STX1A: variants seen among roughly 807,000 people sequenced by gnomAD.
STX1A encodes syntaxin-1A.
Under a neutral mutation model 37.8 loss-of-function variants are expected in STX1A, and 4 were observed. That is an observed-to-expected ratio of 0.11 (90% CI 0.05 to 0.24). The LOEUF (loss-of-function observed/expected upper bound fraction) is 0.24. Among genes scored for constraint, STX1A ranks in the 10% least tolerant of loss-of-function variants. The pLI, the probability that STX1A is intolerant of heterozygous loss-of-function variation, is 1.00. For synonymous variants in STX1A, 135 were observed against 147.4 expected (o/e 0.92, Z 0.61); for missense variants, 251 against 399.9 (o/e 0.63, Z 3.18).
In STX1A at chr7:73,709,096, A is replaced by T; in HGVS notation, c.57T>A (p.Asp19Glu). The T allele has an allele frequency of 6.2e-7, 1 of 1,610,546 alleles. No individual in the cohort carries two copies. The highest frequency in any genetic ancestry group is 8.5e-7 in the Non-Finnish European group (1 of 1,177,808). Reference protein sequence around the residue: ...RTAKDSDDDDDVAVTVDRDRF... With the variant: ...RTAKDSDDDDEVAVTVDRDRF... ...GGTCTCGGTCCACGGTGACAGCGACATCATCATCATCATCGCTGTCCTTGG... is the reference window on the plus strand; with the variant it reads ...GGTCTCGGTCCACGGTGACAGCGACTTCATCATCATCATCGCTGTCCTTGG... Residue 19 changes from aspartate (D) to glutamate (E), a missense_variant, in exon 2 of 10, where the codon GAT (aspartate) becomes GAA (glutamate). This residue lies in a region of STX1A where 37 missense variants were observed against 32.3 expected (regional missense o/e 1.15). Coordinates refer to ENST00000222812, the MANE Select transcript of STX1A (RefSeq NM_004603.4). The surrounding 1 kb of genome is among the most constrained non-coding windows in gnomAD (Gnocchi z 4.2).
chr7:73,715,256 T>G (rs1339530824), intron 1 of STX1A, among the ~76,000 whole-genome samples: 1 of 151,886 alleles, frequency 6.6e-6, no homozygotes, highest in Non-Finnish European at 1.5e-5. Context: ...ACCCCGTTGC[T>G]ACTAAAAATA....
intron 8 of STX1A, chr7:73,701,306 T>G (rs1417639189): frequency 4.0e-6 from 1 of 249,686 alleles, no homozygotes; most frequent in Non-Finnish European, 7.7e-6. Flanking sequence ...CTTTAAGAAC[T>G]TGAAGTCAGG....
intron 1 of STX1A, among the ~76,000 whole-genome samples, chr7:73,711,718 C>T (rs1799110048): frequency 6.6e-6 from 1 of 152,156 alleles, no homozygotes; most frequent in Non-Finnish European, 1.5e-5. Context: ...GTCCTGCCCT[C>T]TCTGCCCTGG....
Position 73,706,674 on chromosome 7 carries a change from G to T in STX1A, c.209-1450C>A, listed in dbSNP as rs545639530. 6.6e-6 allele frequency among the ~76,000 whole-genome samples: 1 copy of T among 151,836 alleles called. No individual in the cohort carries two copies. Among genetic ancestry groups the T allele is most frequent in the Admixed American group, 6.6e-5 (1 of 15,244 alleles). ...CAGACAGCTCTGCTGCCCCATGCCC[G>T]CCCCACCTGCCAGCAGTGAGAGACC... On this transcript the variant is annotated intron_variant, in intron 3 of 9. Transcript: ENST00000222812. The surrounding 1 kb of genome is among the most constrained non-coding windows in gnomAD (Gnocchi z 4.6).
rs573931157 is a variant in STX1A, at chr7:73,716,224, C to T, written c.30+3378G>A. Reference sequence around the variant, plus strand: ...GAGGAAGGATCGGGCGAGCCCTGTCCGGCTCCTGTTCTTACACTCTCGTGC... The same window carrying T: ...GAGGAAGGATCGGGCGAGCCCTGTCTGGCTCCTGTTCTTACACTCTCGTGC... On this transcript the variant is annotated intron_variant, in intron 1 of 9. Coordinates refer to ENST00000222812, the MANE Select transcript of STX1A (RefSeq NM_004603.4). Among the ~76,000 whole-genome samples the T allele has an allele frequency of 7.9e-5, 12 of 152,366 alleles. No homozygotes were observed. In the South Asian group the frequency reaches 1.7e-3, roughly 21 times the overall value.
At position 73,702,588 on chromosome 7, in the gene STX1A, G is replaced by C. The variant is rs1230037367; in HGVS notation, c.678+257C>G. On this transcript the variant is annotated intron_variant, in intron 8 of 9. Coordinates refer to ENST00000222812, the MANE Select transcript of STX1A (RefSeq NM_004603.4). This position sits in a 1 kb window ranked among gnomAD's most constrained non-coding sequence, Gnocchi z 4.7. Reference sequence around the variant, plus strand: ...TGGCCCCATGAGGAAACAGTAGTAGGGGAATGAGAGACGGCGGGGTATAGA... The same window carrying C: ...TGGCCCCATGAGGAAACAGTAGTAGCGGAATGAGAGACGGCGGGGTATAGA... The C allele has an allele frequency of 9.0e-7, 1 of 1,113,142 alleles. No homozygotes were observed. Among genetic ancestry groups the C allele is most frequent in the South Asian group, 1.7e-5 (1 of 58,494 alleles). The allele number at this position is 1,113,142 out of a possible 1,614,324, so 69.0% of individuals were successfully genotyped here. A position where few individuals can be genotyped will look rare whatever the true frequency, so the allele number is the denominator to read the frequency against.
intron 1 of STX1A, among the ~76,000 whole-genome samples, chr7:73,714,722 CT>C (rs1376520556): frequency 4.0e-5 from 6 of 151,268 alleles, no homozygotes; most frequent in Non-Finnish European, 8.8e-5. Flanking sequence ...TTTTTTTGTT[CT>C]GCATTCAGCA....
At chr7:73,703,970 C>A (rs1798768487) in intron 6 of STX1A, 142 bp from the exon 7 acceptor site, 1 of 1,045,790 alleles carries the variant, frequency 9.6e-7, no homozygotes. Context: ...CCCCCCGGCC[C>A]TTAACACAGC....
rs149941739 is a variant in STX1A, at chr7:73,709,701, A to G, written c.31-579T>C. 4.7e-3 allele frequency among the ~76,000 whole-genome samples: 708 copies of G among 151,940 alleles called. 5 individuals carry two copies. Among genetic ancestry groups the G allele is most frequent in the Middle Eastern group, 0.014 (4 of 294 alleles). ...GTAGCTGGAATTATAGGTTTCCACA[A>G]CCATGCCTGGCTCCAGTGGTTTTAA... is the stretch of plus-strand genomic sequence containing the variant. On this transcript the variant is annotated intron_variant, in intron 1 of 9. Transcript: ENST00000222812. This position sits in a 1 kb window ranked among gnomAD's most constrained non-coding sequence, Gnocchi z 4.2.
chr7:73,705,265 C>T lies in STX1A; in HGVS notation c.209-41G>A, dbSNP rs574447368. 3.0e-5 allele frequency: 46 copies of T among 1,551,756 alleles called. No individual in the cohort carries two copies. Among genetic ancestry groups the T allele is most frequent in the East Asian group, 1.3e-4 (6 of 44,566 alleles). ...GGGTGGGGGTAGGCCTCCTAGGCTC[C>T]GCGGGGACTGATGTGCAGGCTCAGC... is the stretch of plus-strand genomic sequence containing the variant. On this transcript the variant is annotated intron_variant, in intron 3 of 9. Transcript: ENST00000222812. The surrounding 1 kb of genome is among the most constrained non-coding windows in gnomAD (Gnocchi z 5.2).
chr7:73,716,349 C>T (rs891164002), intron 1 of STX1A, among the ~76,000 whole-genome samples: 5 of 152,230 alleles, frequency 3.3e-5, no homozygotes, highest in African/African-American at 9.6e-5. Context: ...GCCACCCAAC[C>T]GCCAGACTCT....
In STX1A at chr7:73,702,600, C is replaced by CGG; in HGVS notation, c.678+243_678+244dup. 1 of 1,218,800 alleles carries CGG rather than the reference C, an allele frequency of 8.2e-7. No homozygotes were observed. 75.5% of individuals were successfully genotyped at this position (1,218,800 alleles called of 1,614,324 possible). Reference sequence around the variant, plus strand: ...GAAACAGTAGTAGGGGAATGAGAGACGGCGGGGTATAGAGGGTGGGGCCAT... The same window carrying CGG: ...GAAACAGTAGTAGGGGAATGAGAGACGGGGCGGGGTATAGAGGGTGGGGCCAT... On this transcript the variant is annotated intron_variant, in intron 8 of 9. Transcript: ENST00000222812. This position sits in a 1 kb window ranked among gnomAD's most constrained non-coding sequence, Gnocchi z 4.7.
In STX1A at chr7:73,705,621, ACCTGGTG is replaced by A. The variant is rs1798841790; in HGVS notation, c.209-404_209-398del. 1 of 240,030 alleles carries A rather than the reference ACCTGGTG, an allele frequency of 4.2e-6. No homozygotes were observed. The highest frequency in any genetic ancestry group is 8.3e-6 in the Non-Finnish European group (1 of 120,188). The allele number at this position is 240,030 out of a possible 1,614,324, so 14.9% of individuals were successfully genotyped here. On this transcript the variant is annotated intron_variant, in intron 3 of 9. Transcript: ENST00000222812. This position sits in a 1 kb window ranked among gnomAD's most constrained non-coding sequence, Gnocchi z 5.2. ...GGGCGGTGTGGGCTCACCTGGTGTTACCTGGTGGCTCAGGAGGGTACGCAGCCAGGCA... is the reference window on the plus strand; with the variant it reads ...GGGCGGTGTGGGCTCACCTGGTGTTAGCTCAGGAGGGTACGCAGCCAGGCA...
At chr7:73,704,034 C>A in intron 6 of STX1A, 114 bp downstream of exon 6, 1 of 1,293,966 alleles carries the variant, frequency 7.7e-7, no homozygotes, top group South Asian at 1.4e-5. Context: ...TGCCTCGGGC[C>A]ACCCGCCTCG....
In STX1A at chr7:73,702,833, C is replaced by T; in HGVS notation, c.678+12G>A. 2 of 1,613,620 alleles carry T rather than the reference C, an allele frequency of 1.2e-6. No homozygotes were observed. Among genetic ancestry groups the T allele is most frequent in the Non-Finnish European group, 1.7e-6 (2 of 1,179,902 alleles). On this transcript the variant is annotated intron_variant, in intron 8 of 9. Coordinates refer to ENST00000222812, the MANE Select transcript of STX1A (RefSeq NM_004603.4). The surrounding 1 kb of genome is among the most constrained non-coding windows in gnomAD (Gnocchi z 4.7). ...TGGGCTGGAGTGGAGGGCAGGGGGG[C>T]CCGGCACTCACCTGGCTCTCCACGA...
chr7:73,708,949 T>C, intron 2 of STX1A, 96 bp downstream of exon 2: 1 of 1,349,364 alleles, frequency 7.4e-7, no homozygotes, highest in Non-Finnish European at 1.1e-6. Flanking sequence ...CTGAGCCAGG[T>C]GCAGGTGTGA....
chr7:73,708,262 C>CA (rs1157786155), intron 3 of STX1A, among the ~76,000 whole-genome samples: 833 of 48,324 alleles, frequency 0.017, 10 homozygotes, highest in East Asian at 0.057. Context: ...GACTCCATCT[C>CA]AAAAAAAAAA....
At position 73,709,797 on chromosome 7, in the gene STX1A, T is replaced by C. The variant is rs547741755; in HGVS notation, c.31-675A>G. Among the ~76,000 whole-genome samples the C allele has an allele frequency of 1.3e-5, 2 of 152,220 alleles. No individual in the cohort carries two copies. Among genetic ancestry groups the C allele is most frequent in the African/African-American group, 2.4e-5 (1 of 41,466 alleles). On this transcript the variant is annotated intron_variant, in intron 1 of 9. Transcript: ENST00000222812. This position sits in a 1 kb window ranked among gnomAD's most constrained non-coding sequence, Gnocchi z 4.2. ...CCTATAAGGGGAGACCTGCCTACTG[T>C]GTCCCAGCCCTGGGCACCACTAAAC...
In STX1A at chr7:73,700,501, C is replaced by A; in HGVS notation, c.790-17G>T. The A allele has an allele frequency of 6.2e-7, 1 of 1,613,310 alleles. No individual in the cohort carries two copies. Among genetic ancestry groups the A allele is most frequent in the Middle Eastern group, 1.6e-4 (1 of 6,062 alleles). On this transcript the variant is annotated splice_polypyrimidine_tract_variant and intron_variant, in intron 9 of 9. Transcript: ENST00000222812. This position sits in a 1 kb window ranked among gnomAD's most constrained non-coding sequence, Gnocchi z 4.4. ...GATTTTCTTCTGCATGGGAAGCGGG[C>A]AGGAGAGGCCTCAGACAGTGTTGGC...
Sources: allele counts gnomAD v4.1 joint callset (sites outside exome capture counted in the v4.1 genomes callset), GRCh38; gene constraint gnomAD v4.1.1; regional missense constraint gnomAD v4.1.1; non-coding constraint Gnocchi (gnomAD v3.1); transcripts MANE v1.5; gene names NCBI Gene and HGNC (gene_info 2026-07-23, HGNC 2026-07-21).